The following WDR47 variants were observed in gnomAD, a reference collection of about 807,000 sequenced individuals.
WDR47 encodes the protein WD repeat-containing protein 47.
WDR47 carries 32 observed loss-of-function variants against 97.2 expected under a neutral mutation model. That is an observed-to-expected ratio of 0.33 (90% CI 0.25 to 0.44). WDR47 has a LOEUF of 0.44. WDR47 is among the 20% of genes least tolerant of loss of function. The probability of loss-of-function intolerance (pLI) is 1.00; values close to 1 mark genes in which losing one functional copy is unlikely to be tolerated. For synonymous variants in WDR47, 375 were observed against 373.5 expected (o/e 1.00, Z -0.05); for missense variants, 782 against 1,102.3 (o/e 0.71, Z 4.11).
Position 109,031,934 on chromosome 1 carries a change from G to A in WDR47, c.-9-8413C>T, listed in dbSNP as rs1662632561. Among the ~76,000 whole-genome samples the A allele has an allele frequency of 1.5e-5, 2 of 135,506 alleles. 1 individual carries two copies. The highest frequency in any genetic ancestry group is 1.6e-4 in the Admixed American group (2 of 12,408). The allele number at this position is 135,506 out of a possible 152,430, so 88.9% of individuals were successfully genotyped here. A position where few individuals can be genotyped will look rare whatever the true frequency, so the allele number is the denominator to read the frequency against. On this transcript the variant is annotated intron_variant, in intron 1 of 14. Transcript: ENST00000369962. ...CCCGCCTCAGCCTTCCCAGTAATTG[G>A]GACTACAGGCATGCACCACCATACC...
chr1:108,989,748 G>T (rs993942379), intron 9 of WDR47, among the ~76,000 whole-genome samples: 3 of 152,178 alleles, frequency 2.0e-5, no homozygotes, highest in African/African-American at 7.2e-5. Flanking sequence ...AGGCTGGAGT[G>T]AAATGGCATA....
intron 2 of WDR47, among the ~76,000 whole-genome samples, chr1:109,021,729 G>A (rs758376890): frequency 7.9e-5 from 12 of 151,982 alleles, no homozygotes; most frequent in African/African-American, 2.2e-4. Flanking sequence ...ATTTCACCAC[G>A]TTGGCCAGGC....
chr1:109,027,666 G>A (rs1175535111), intron 1 of WDR47, among the ~76,000 whole-genome samples: 1 of 152,096 alleles, frequency 6.6e-6, no homozygotes, highest in Non-Finnish European at 1.5e-5. Flanking sequence ...TGGGATCACA[G>A]GTGCCTGCCA....
chr1:109,038,589 G>A (rs924483842), intron 1 of WDR47, among the ~76,000 whole-genome samples: 1 of 151,358 alleles, frequency 6.6e-6, no homozygotes, highest in African/African-American at 2.4e-5. Flanking sequence ...TGAGGTAGGA[G>A]GATCACTTGA....
chr1:108,997,644 C>T (rs1246903453), intron 7 of WDR47, among the ~76,000 whole-genome samples: 5 of 150,728 alleles, frequency 3.3e-5, no homozygotes, highest in Non-Finnish European at 5.9e-5. Context: ...CCTGTAGTCC[C>T]AGCTTCTCGG....
At chr1:109,021,374 A>G (rs1259677591) in intron 2 of WDR47, among the ~76,000 whole-genome samples, 1 of 152,012 alleles carries the variant, frequency 6.6e-6, no homozygotes, top group Non-Finnish European at 1.5e-5. Context: ...CTAAAAATAC[A>G]AAAATTAGCC....
chr1:108,982,488 T>TGC, intron 12 of WDR47, 121 bp downstream of exon 12: 4 of 1,175,770 alleles, frequency 3.4e-6, no homozygotes, highest in Non-Finnish European at 4.7e-6. Context: ...GCTGTGATTG[T>TGC]GCCACTGCAC....
At chr1:109,006,034 G>A (rs1030095015) in intron 5 of WDR47, among the ~76,000 whole-genome samples, 1 of 152,012 alleles carries the variant, frequency 6.6e-6, no homozygotes, top group Non-Finnish European at 1.5e-5. Flanking sequence ...TTACAGTTTT[G>A]TTATCTAAAC....
intron 7 of WDR47, among the ~76,000 whole-genome samples, chr1:108,998,342 A>T (rs903593378): frequency 2.6e-5 from 4 of 152,028 alleles, no homozygotes; most frequent in African/African-American, 7.2e-5. Context: ...GTCTTTACTA[A>T]AAATACAAAA....
intron 13 of WDR47, among the ~76,000 whole-genome samples, chr1:108,976,126 CGAGCAGTACTTT>C (rs1171792253): frequency 1.3e-5 from 2 of 152,018 alleles, no homozygotes; most frequent in African/African-American, 4.8e-5. Flanking sequence ...TTACATGATT[CGAGCAGTACTTT>C]GAGTAATCTA....
At chr1:108,984,501 T>C (rs918116743) in intron 10 of WDR47, among the ~76,000 whole-genome samples, 2 of 152,196 alleles carry the variant, frequency 1.3e-5, no homozygotes, top group East Asian at 1.9e-4. Flanking sequence ...AGTCTACTTT[T>C]GAGTCTTTGA....
In WDR47 at chr1:109,004,867, T is replaced by C. The variant is rs1449153357; in HGVS notation, c.1131-152A>G. On this transcript the variant is annotated intron_variant, in intron 5 of 14. Coordinates refer to ENST00000369962, the MANE Select transcript of WDR47 (RefSeq NM_001142551.2). ...CTGGAGTGACGCAATCTCCGCTCAC[T>C]GCAACCTCTACCTCCCAGGTTCAAG... is the stretch of plus-strand genomic sequence containing the variant. 6 of 977,912 alleles carry C rather than the reference T, an allele frequency of 6.1e-6. No individual in the cohort carries two copies. In the East Asian group the frequency reaches 9.7e-5, roughly 16 times the overall value. The allele number at this position is 977,912 out of a possible 1,614,324, so 60.6% of individuals were successfully genotyped here. A position where few individuals can be genotyped will look rare whatever the true frequency, so the allele number is the denominator to read the frequency against.
chr1:109,014,037 GCTT>G, intron 3 of WDR47, 112 bp from the exon 4 acceptor site: 1 of 701,792 alleles, frequency 1.4e-6, no homozygotes, highest in East Asian at 2.6e-5. Context: ...AATTTACTAG[GCTT>G]CTTATCACAT....
intron 8 of WDR47, chr1:108,992,903 G>C: frequency 2.5e-5 from 28 of 1,128,820 alleles, no homozygotes; most frequent in Non-Finnish European, 3.3e-5. Context: ...ATAGAGGTGA[G>C]GAAATTGCTA....
Position 109,023,384 on chromosome 1 carries a change from G to A in WDR47, c.129C>T (p.Gly43=). ...ALEKESGVIN[G]LFSDDMLFLR... is the part of the protein sequence containing the mutation. ...GGAAAAGCATATCATCTGAAAACAG[G>A]CCATTTATGACTCCACTTTCCTTCT... The change falls in exon 2 of 15, where the codon GGC becomes GGT. Residue 43 remains glycine, a synonymous_variant. Transcript: ENST00000369962. 2 of 1,613,550 alleles carry A rather than the reference G, an allele frequency of 1.2e-6. No homozygotes were observed. Among genetic ancestry groups the A allele is most frequent in the Non-Finnish European group, 1.7e-6 (2 of 1,179,804 alleles).
At chr1:108,997,706 G>A (rs1162735186) in intron 7 of WDR47, among the ~76,000 whole-genome samples, 2 of 138,954 alleles carry the variant, frequency 1.4e-5, no homozygotes, top group African/African-American at 2.7e-5. Context: ...CTTGCAGTGA[G>A]CCGAGATAGT....
At chr1:109,025,667 G>A (rs370390346) in intron 1 of WDR47, among the ~76,000 whole-genome samples, 2 of 151,776 alleles carry the variant, frequency 1.3e-5, no homozygotes, top group South Asian at 4.1e-4. Context: ...CCAGGAGGCG[G>A]AGGTTGCAGT....
In WDR47 at chr1:109,009,094, T is replaced by A. The variant is rs545063801; in HGVS notation, c.1130+1822A>T. ...GCGGGACTCCATCTCAAAAAAAAAA[T>A]AAAAATAAAATAAAAATAAAAGAAA... On this transcript the variant is annotated intron_variant, in intron 5 of 14. Coordinates refer to ENST00000369962, the MANE Select transcript of WDR47 (RefSeq NM_001142551.2). 5.0e-3 allele frequency among the ~76,000 whole-genome samples: 764 copies of A among 151,682 alleles called. 2 individuals carry two copies. Among genetic ancestry groups the A allele is most frequent in the Non-Finnish European group, 8.2e-3 (554 of 67,870 alleles).
At position 108,995,619 on chromosome 1, in the gene WDR47, T is replaced by C; in HGVS notation, c.1652A>G (p.His551Arg). ...AGGTGATTCCTCCAGAAAAGGTATG[T>C]GATTTGTTGATCCAGGATTACGAGG... ...STPRNPGSTNHIPFLEESPCG... is the reference protein window; with the variant it reads ...STPRNPGSTNRIPFLEESPCG... Residue 551 changes from histidine to arginine, a missense_variant, in exon 8 of 15, where the codon CAC becomes CGC. Physicochemically the swap from His to Arg is conservative, Grantham distance 29. Coordinates refer to ENST00000369962, the MANE Select transcript of WDR47 (RefSeq NM_001142551.2). The C allele has an allele frequency of 3.7e-6, 6 of 1,614,170 alleles. No homozygotes were observed. The highest frequency in any genetic ancestry group is 5.1e-6 in the Non-Finnish European group (6 of 1,180,006).
Sources: allele counts gnomAD v4.1 joint callset (sites outside exome capture counted in the v4.1 genomes callset), GRCh38; gene constraint gnomAD v4.1.1; transcripts MANE v1.5; gene names NCBI Gene and HGNC (gene_info 2026-07-23, HGNC 2026-07-21).